Variants in CACNA1D observed in about 807,000 individuals in gnomAD.
CACNA1D encodes calcium voltage-gated channel subunit alpha1 D.
A neutral mutation model predicts 257.1 loss-of-function variants in CACNA1D; 55 were observed. That is an observed-to-expected ratio of 0.21 (90% CI 0.17 to 0.27). CACNA1D has a LOEUF of 0.27. Ranked by LOEUF, CACNA1D falls within the 10% of genes least tolerant of loss-of-function variation. The pLI is 1.00. For missense variants in CACNA1D, 1,876 were observed against 2,784.0 expected, an observed-to-expected ratio of 0.67 and a Z score of 7.34; for synonymous variants, 980 against 1,014.9, an observed-to-expected ratio of 0.97 and a Z score of 0.65.
chr3:53,566,371 C>T (rs898435816), intron 3 of CACNA1D, among the ~76,000 whole-genome samples: 2 of 152,114 alleles, frequency 1.3e-5, no homozygotes, highest in Non-Finnish European at 2.9e-5. Context: ...TATGTGCTTC[C>T]CTGGATGGGT....
At chr3:53,748,443 AG>A (rs2095192940) in intron 26 of CACNA1D, among the ~76,000 whole-genome samples, 1 of 152,180 alleles carries the variant, frequency 6.6e-6, no homozygotes, top group African/African-American at 2.4e-5. Flanking sequence ...TAATCCTGGG[AG>A]AACAGAGGCA....
At chr3:53,514,950 G>A (rs1057323891) in intron 3 of CACNA1D, among the ~76,000 whole-genome samples, 1 of 152,172 alleles carries the variant, frequency 6.6e-6, no homozygotes, top group Non-Finnish European at 1.5e-5. Context: ...CAGCGGATCT[G>A]GTGAAGAAAT....
At chr3:53,759,759 C>A (rs762749222) in intron 29 of CACNA1D, among the ~76,000 whole-genome samples, 3 of 152,232 alleles carry the variant, frequency 2.0e-5, no homozygotes, top group Admixed American at 2.0e-4. Context: ...TAACACTAAG[C>A]ACATTGATTC....
At position 53,497,308 on chromosome 3, in the gene CACNA1D, C is replaced by G; in HGVS notation, c.224C>G (p.Pro75Arg). 2 of 1,614,178 alleles carry G rather than the reference C, an allele frequency of 1.2e-6. No individual in the cohort carries two copies. Among genetic ancestry groups the G allele is most frequent in the Non-Finnish European group, 1.7e-6 (2 of 1,180,046 alleles). ...AAQTMSTSAP[P>R]PVGSLSQRKR... ...CAAACTATGAGCACCTCTGCACCCC[C>G]ACCTGTAGGATCTCTCTCCCAAAGA... Residue 75 changes from proline to arginine, a missense_variant, in exon 2 of 48, where the codon CCA becomes CGA. This residue lies in a region of CACNA1D where 143 missense variants were observed against 168.7 expected (regional missense o/e 0.85). Coordinates refer to ENST00000350061, the MANE Select transcript of CACNA1D (RefSeq NM_001128840.3).
intron 3 of CACNA1D, among the ~76,000 whole-genome samples, chr3:53,511,576 T>C (rs1037301299): frequency 6.6e-6 from 1 of 152,198 alleles, no homozygotes; most frequent in South Asian, 2.1e-4. Context: ...CCTGCATTCA[T>C]GTTTTTCAGG....
chr3:53,560,061 CTTTT>C (rs34438908), intron 3 of CACNA1D, among the ~76,000 whole-genome samples: 97 of 102,654 alleles, frequency 9.4e-4, no homozygotes, highest in African/African-American at 3.9e-3. Context: ...TTAGGAGTTC[CTTTT>C]TTTTTTTTTT....
intron 3 of CACNA1D, among the ~76,000 whole-genome samples, chr3:53,553,252 G>A (rs917382999): frequency 1.3e-5 from 2 of 152,220 alleles, no homozygotes; most frequent in African/African-American, 4.8e-5. Flanking sequence ...TAATTTCCGT[G>A]ACTAATGAAG....
rs533174910 is a variant in CACNA1D, at chr3:53,563,390, C to T, written c.483+61670C>T. Reference sequence around the variant, plus strand: ...AATACAGAAAGTAACCAGGCGTGGTCGTGGGCGCCTGTAGTCCCAGCTACT... The same window carrying T: ...AATACAGAAAGTAACCAGGCGTGGTTGTGGGCGCCTGTAGTCCCAGCTACT... On this transcript the variant is annotated intron_variant, in intron 3 of 47. Coordinates refer to ENST00000350061, the MANE Select transcript of CACNA1D (RefSeq NM_001128840.3). 4.6e-5 allele frequency among the ~76,000 whole-genome samples: 7 copies of T among 152,110 alleles called. 1 individual carries two copies. In the South Asian group the frequency reaches 1.2e-3, roughly 27 times the overall value.
At position 53,744,786 on chromosome 3, in the gene CACNA1D, C is replaced by T. The variant is rs1426788459; in HGVS notation, c.2965C>T (p.Leu989=). The stretch of plus-strand genomic sequence containing the variant: ...GAAGATTCTGAGGGTCTTAAGGGTC[C>T]TGCGTCCCCTCAGGGCCATCAACAG... ...VVKILRVLRV[L]RPLRAINRAK... The change falls in exon 23 of 48, where the codon CTG becomes TTG. Residue 989 remains leucine, a synonymous_variant. Transcript: ENST00000350061. 1.9e-6 allele frequency: 3 copies of T among 1,610,534 alleles called. No homozygotes were observed. The highest frequency in any genetic ancestry group is 2.2e-5 in the South Asian group (2 of 91,002).
At chr3:53,750,794 C>A (rs371249108) in intron 27 of CACNA1D, among the ~76,000 whole-genome samples, 2 of 152,264 alleles carry the variant, frequency 1.3e-5, no homozygotes, top group East Asian at 1.9e-4. Flanking sequence ...GGAACCTGTC[C>A]GAAGCCTGCA....
At chr3:53,533,661 G>C (rs1231723223) in intron 3 of CACNA1D, among the ~76,000 whole-genome samples, 1 of 152,160 alleles carries the variant, frequency 6.6e-6, no homozygotes, top group African/African-American at 2.4e-5. Context: ...GCTTCCCTGG[G>C]GTCCCCAGCC....
At chr3:53,578,881 G>A (rs147497560) in intron 3 of CACNA1D, among the ~76,000 whole-genome samples, 2 of 152,342 alleles carry the variant, frequency 1.3e-5, no homozygotes, top group East Asian at 3.9e-4. Flanking sequence ...GGGGGATGAT[G>A]TACTTTAGAA....
chr3:53,546,420 A>G (rs1443480045), intron 3 of CACNA1D, among the ~76,000 whole-genome samples: 1 of 152,140 alleles, frequency 6.6e-6, no homozygotes, highest in Non-Finnish European at 1.5e-5. Context: ...CTGTATTGAC[A>G]TTGAGTCTAT....
intron 20 of CACNA1D, among the ~76,000 whole-genome samples, chr3:53,737,894 G>C (rs2095074643): frequency 6.6e-6 from 1 of 152,316 alleles, no homozygotes; most frequent in Non-Finnish European, 1.5e-5. Context: ...ACTTAGAGAT[G>C]GTGCCCGCTG....
intron 3 of CACNA1D, among the ~76,000 whole-genome samples, chr3:53,608,377 C>T (rs72970755): frequency 0.018 from 2,791 of 152,138 alleles, 87 homozygotes; most frequent in African/African-American, 0.064. Context: ...GTTACTTTTT[C>T]GGTGAATTCA....
intron 34 of CACNA1D, among the ~76,000 whole-genome samples, chr3:53,775,105 G>A (rs947816515): frequency 3.3e-5 from 5 of 152,222 alleles, no homozygotes; most frequent in Non-Finnish European, 5.9e-5. Flanking sequence ...TGCTTTTAAC[G>A]TCAGTTAATT....
At chr3:53,776,785 T>A in intron 36 of CACNA1D, 55 bp downstream of exon 36, 1 of 1,613,834 alleles carries the variant, frequency 6.2e-7, no homozygotes, top group South Asian at 1.1e-5. Context: ...GAATGTCAGC[T>A]TTTTTTGTGG....
chr3:53,742,524 A>G (rs1328635581), intron 21 of CACNA1D, among the ~76,000 whole-genome samples: 2 of 152,170 alleles, frequency 1.3e-5, no homozygotes, highest in East Asian at 1.9e-4. Flanking sequence ...TAGGAACAAT[A>G]AGGGGCCTCT....
intron 9 of CACNA1D, among the ~76,000 whole-genome samples, chr3:53,703,059 G>A (rs969757935): frequency 2.0e-5 from 3 of 152,234 alleles, no homozygotes; most frequent in East Asian, 1.9e-4. Flanking sequence ...AAGGTCAAAC[G>A]GACCCACTGT....
Sources: allele counts gnomAD v4.1 joint callset (sites outside exome capture counted in the v4.1 genomes callset), GRCh38; gene constraint gnomAD v4.1.1; regional missense constraint gnomAD v4.1.1; transcripts MANE v1.5; gene names NCBI Gene and HGNC (gene_info 2026-07-23, HGNC 2026-07-21).